FNTB: variants seen among roughly 807,000 people sequenced by gnomAD.
FNTB encodes farnesyltransferase, CAAX box, subunit beta.
In FNTB, 27 loss-of-function variants were observed where a neutral mutation model predicts 59.4. The observed-to-expected ratio is 0.45, with a 90% CI of 0.34 to 0.63. The LOEUF is 0.63. Among genes scored for constraint, FNTB ranks in the 20% least tolerant of loss-of-function variants. The pLI, the probability that FNTB is intolerant of heterozygous loss-of-function variation, is 0.02. For missense variants in FNTB, 449 were observed against 559.6 expected (o/e 0.80, Z 1.99); for synonymous variants, 230 against 220.7 (o/e 1.04, Z -0.37).
Position 65,027,509 on chromosome 14 carries a change from C to T in FNTB, c.431C>T (p.Pro144Leu). The T allele has an allele frequency of 1.2e-6, 2 of 1,614,076 alleles. No individual in the cohort carries two copies. Among genetic ancestry groups the T allele is most frequent in the Non-Finnish European group, 1.7e-6 (2 of 1,179,996 alleles). The change falls in exon 5 of 12, where the codon CCC (proline) becomes CTC (leucine). Residue 144 changes from proline to leucine, a missense_variant. This residue lies in a region of FNTB where 337 missense variants were observed against 479.1 expected (regional missense o/e 0.70). Coordinates refer to ENST00000246166, the MANE Select transcript of FNTB (RefSeq NM_002028.4). This position sits in a 1 kb window ranked among gnomAD's most constrained non-coding sequence, Gnocchi z 5.7. ...CCAGAAGGTGGCTTTGGAGGAGGAC[C>T]CGGTCAGTATCCACACCTTGCACCC... ...QSPEGGFGGG[P>L]GQYPHLAPTY...
At chr14:64,987,396 GC>G in intron 1 of FNTB, 1 of 464,320 alleles carries the variant, frequency 2.2e-6, no homozygotes, top group African/African-American at 2.0e-5. Flanking sequence ...GACAGAGGCA[GC>G]CCGTGCGGGT....
Position 64,987,032 on chromosome 14 carries a change from A to T in FNTB, c.79A>T (p.Arg27Trp). 6.2e-7 allele frequency: 1 copy of T among 1,614,176 alleles called. No homozygotes were observed. The highest frequency in any genetic ancestry group is 8.5e-7 in the Non-Finnish European group (1 of 1,180,038). Residue 27 changes from arginine (R) to tryptophan (W), a missense_variant, in exon 1 of 12, where the codon AGG becomes TGG. Around this residue, in one of 2 missense-constraint regions of FNTB, gnomAD observed 112 missense variants for 80.5 expected, o/e 1.39. Transcript: ENST00000246166. The part of the protein sequence containing the change: ...PVWSEPLYSL[R>W]PEHARERLQD... ...CTGGTCAGAGCCGCTGTACAGTCTG[A>T]GGCCCGAGCACGCGCGAGAGCGGTT...
In FNTB at chr14:65,027,379, G is replaced by A. The variant is rs2062002569; in HGVS notation, c.375-74G>A. 1 of 1,584,244 alleles carries A rather than the reference G, an allele frequency of 6.3e-7. No individual in the cohort carries two copies. The highest frequency in any genetic ancestry group is 1.7e-5 in the Admixed American group (1 of 57,806). ...AGTGGGGGATCATTGGAAAGGCCTG[G>A]AATCTAGTGGGAATTTGGTGTTTTG... On this transcript the variant is annotated intron_variant, in intron 4 of 11. Coordinates refer to ENST00000246166, the MANE Select transcript of FNTB (RefSeq NM_002028.4). The surrounding 1 kb of genome is among the most constrained non-coding windows in gnomAD (Gnocchi z 5.7).
In FNTB at chr14:65,023,813, A is replaced by T. The variant is rs1170373291; in HGVS notation, c.375-3640A>T. On this transcript the variant is annotated intron_variant, in intron 4 of 11. Coordinates refer to ENST00000246166, the MANE Select transcript of FNTB (RefSeq NM_002028.4). This position sits in a 1 kb window ranked among gnomAD's most constrained non-coding sequence, Gnocchi z 4.1. ...ACCTGGGAACTTATTAGAAATGAGG[A>T]CTCTCAGCCGGGCATGGTGGCTCAC... Among the ~76,000 whole-genome samples the T allele has an allele frequency of 1.3e-5, 2 of 152,012 alleles. No individual in the cohort carries two copies. The highest frequency in any genetic ancestry group is 3.9e-4 in the East Asian group (2 of 5,180).
chr14:64,987,814 G>T (rs1020432678), intron 1 of FNTB, among the ~76,000 whole-genome samples: 2 of 152,166 alleles, frequency 1.3e-5, no homozygotes, highest in Non-Finnish European at 2.9e-5. Flanking sequence ...AAAGTGTTTG[G>T]CGAATGAGTA....
In FNTB at chr14:64,998,341, A is replaced by G. The variant is rs77069485; in HGVS notation, c.145-5908A>G. The stretch of plus-strand genomic sequence containing the variant: ...ATTGCAGTGGGAATCTTTGTGCCAC[A>G]GTAAACTATGTGCATATTCAAGGAG... On this transcript the variant is annotated intron_variant, in intron 1 of 11. Transcript: ENST00000246166. Among the ~76,000 whole-genome samples the G allele has an allele frequency of 4.2e-3, 646 of 152,374 alleles. 4 individuals carry two copies. The highest frequency in any genetic ancestry group is 0.015 in the African/African-American group (610 of 41,594).
At chr14:64,988,470 G>A (rs1888043969) in intron 1 of FNTB, among the ~76,000 whole-genome samples, 3 of 133,060 alleles carry the variant, frequency 2.3e-5, no homozygotes, top group African/African-American at 5.7e-5. Flanking sequence ...TTTTTGAGAT[G>A]GGGTCTCGCC....
In FNTB at chr14:65,007,261, T is replaced by C. The variant is rs900144542; in HGVS notation, c.209+2948T>C. Among the ~76,000 whole-genome samples, 7 of 152,330 alleles carry C rather than the reference T, an allele frequency of 4.6e-5. No homozygotes were observed. The highest frequency in any genetic ancestry group is 1.7e-4 in the African/African-American group (7 of 41,566). On this transcript the variant is annotated intron_variant, in intron 2 of 11. Transcript: ENST00000246166. The surrounding 1 kb of genome is among the most constrained non-coding windows in gnomAD (Gnocchi z 4.9). ...GTCTCAATATTTAACATATTAATAG[T>C]CAAAATTTAAAAGTCTGACACTTTA...
intron 8 of FNTB, 149 bp downstream of exon 8, chr14:65,041,068 C>A: frequency 7.4e-7 from 1 of 1,348,824 alleles, no homozygotes; most frequent in Non-Finnish European, 9.9e-7. Context: ...TGAGCAGCTG[C>A]TCTGTCTTGG....
intron 1 of FNTB, among the ~76,000 whole-genome samples, chr14:64,993,042 G>T (rs1373739638): frequency 2.0e-5 from 3 of 152,032 alleles, no homozygotes; most frequent in Non-Finnish European, 4.4e-5. Context: ...TCCCTGTGTT[G>T]CCCAGGCTGG....
At chr14:65,008,330 G>A (rs1203137667) in intron 2 of FNTB, among the ~76,000 whole-genome samples, 1 of 152,180 alleles carries the variant, frequency 6.6e-6, no homozygotes, top group Non-Finnish European at 1.5e-5. Context: ...CCATTCTGCT[G>A]CCTTTGTGTG....
intron 4 of FNTB, 58 bp downstream of exon 4, chr14:65,015,774 A>G: frequency 6.3e-7 from 1 of 1,579,296 alleles, no homozygotes; most frequent in South Asian, 1.1e-5. Context: ...TGAGTTTGGG[A>G]TTTTGTTTTG....
chr14:65,022,055 A>T lies in FNTB; in HGVS notation c.375-5398A>T, dbSNP rs144756432. ...ACACGTCTGACTCTGTGAGCAGCAGAGGCCACCCGGAATCAACAAGAGATG... is the reference window on the plus strand; with the variant it reads ...ACACGTCTGACTCTGTGAGCAGCAGTGGCCACCCGGAATCAACAAGAGATG... On this transcript the variant is annotated intron_variant, in intron 4 of 11. Coordinates refer to ENST00000246166, the MANE Select transcript of FNTB (RefSeq NM_002028.4). 8.7e-4 allele frequency: 396 copies of T among 456,084 alleles called. 4 individuals carry two copies. The highest frequency in any genetic ancestry group is 6.8e-3 in the African/African-American group (339 of 50,200). 28.3% of individuals were successfully genotyped at this position (456,084 alleles called of 1,614,324 possible).
intron 8 of FNTB, among the ~76,000 whole-genome samples, chr14:65,042,281 T>G (rs540008350): frequency 6.6e-6 from 1 of 152,338 alleles, no homozygotes; most frequent in Non-Finnish European, 1.5e-5. Flanking sequence ...TAATATATAA[T>G]GAAATAATTA....
intron 1 of FNTB, among the ~76,000 whole-genome samples, chr14:65,002,672 C>T (rs2061536224): frequency 1.3e-5 from 2 of 151,992 alleles, no homozygotes; most frequent in Non-Finnish European, 2.9e-5. Context: ...GAGGTTTAGT[C>T]ATAGGGTCAC....
rs1259736840 is a variant in FNTB, at chr14:65,001,144, C to T, written c.145-3105C>T. ...CTGCTCTGAGCTATTTTTCTTTTCT[C>T]GATTGCAGTTACATTGTACTAGGAG... On this transcript the variant is annotated intron_variant, in intron 1 of 11. Transcript: ENST00000246166. This position sits in a 1 kb window ranked among gnomAD's most constrained non-coding sequence, Gnocchi z 5.5. Among the ~76,000 whole-genome samples the T allele has an allele frequency of 6.6e-6, 1 of 152,026 alleles. No homozygotes were observed. The highest frequency in any genetic ancestry group is 1.9e-4 in the East Asian group (1 of 5,194).
chr14:65,007,010 A>C lies in FNTB; in HGVS notation c.209+2697A>C, dbSNP rs948256406. On this transcript the variant is annotated intron_variant, in intron 2 of 11. Coordinates refer to ENST00000246166, the MANE Select transcript of FNTB (RefSeq NM_002028.4). This position sits in a 1 kb window ranked among gnomAD's most constrained non-coding sequence, Gnocchi z 4.9. ...ATAGAATATATCAGGGCTCTGGGTT[A>C]GTTTCAGGAATTTCACAATTACCCG... 2.6e-4 allele frequency among the ~76,000 whole-genome samples: 40 copies of C among 152,272 alleles called. No individual in the cohort carries two copies. The highest frequency in any genetic ancestry group is 9.6e-4 in the African/African-American group (40 of 41,562).
intron 2 of FNTB, chr14:65,006,202 G>A (rs1240732828): frequency 6.6e-7 from 1 of 1,517,238 alleles, no homozygotes; most frequent in Non-Finnish European, 8.8e-7. Flanking sequence ...AACTTTTTCT[G>A]ATTAGCCATG....
intron 4 of FNTB, among the ~76,000 whole-genome samples, chr14:65,025,516 G>C (rs1237755927): frequency 6.6e-6 from 1 of 152,182 alleles, no homozygotes; most frequent in African/African-American, 2.4e-5. Context: ...ATTAATTGCT[G>C]TTAAAAATGT....
Sources: allele counts gnomAD v4.1 joint callset (sites outside exome capture counted in the v4.1 genomes callset), GRCh38; gene constraint gnomAD v4.1.1; regional missense constraint gnomAD v4.1.1; non-coding constraint Gnocchi (gnomAD v3.1); transcripts MANE v1.5; gene names NCBI Gene and HGNC (gene_info 2026-07-23, HGNC 2026-07-21).